Variants in PLAG1 observed in about 807,000 individuals in gnomAD.
The protein encoded by PLAG1 is zinc finger protein PLAG1.
A neutral mutation model predicts 35.5 loss-of-function variants in PLAG1; 7 were observed. That is an observed-to-expected ratio of 0.20 (90% CI 0.11 to 0.37). The LOEUF (loss-of-function observed/expected upper bound fraction) is 0.37, where lower values mean the gene tolerates loss of function less well. Among genes scored for constraint, PLAG1 ranks in the 10% least tolerant of loss-of-function variants. The probability of loss-of-function intolerance (pLI) is 1.00; values close to 1 mark genes in which losing one functional copy is unlikely to be tolerated. For synonymous variants in PLAG1, 229 were observed against 225.4 expected (o/e 1.02, Z -0.14); for missense variants, 454 against 602.8 (o/e 0.75, Z 2.58).
intron 1 of PLAG1, among the ~76,000 whole-genome samples, chr8:56,194,013 C>A (rs545032827): frequency 6.6e-6 from 1 of 152,010 alleles, no homozygotes; most frequent in Non-Finnish European, 1.5e-5. Flanking sequence ...CCACCACGCC[C>A]GGCCTTCATT....
chr8:56,186,859 G>T (rs1463660673), intron 1 of PLAG1, among the ~76,000 whole-genome samples: 1 of 152,050 alleles, frequency 6.6e-6, no homozygotes, highest in Non-Finnish European at 1.5e-5. Context: ...TGGGATTACA[G>T]GCATGCTCTA....
At chr8:56,178,071 T>G (rs1267815188) in intron 2 of PLAG1, 68 of 805,902 alleles carry the variant, frequency 8.4e-5, no homozygotes, top group Non-Finnish European at 9.7e-5. Context: ...CTTAAGCACA[T>G]GGAACTACAG....
intron 1 of PLAG1, among the ~76,000 whole-genome samples, chr8:56,187,599 A>C (rs888865834): frequency 1.3e-5 from 2 of 152,222 alleles, no homozygotes; most frequent in Non-Finnish European, 2.9e-5. Context: ...TGTTATATTC[A>C]GAGTGTTACT....
At chr8:56,178,710 C>G (rs1463168801) in intron 2 of PLAG1, among the ~76,000 whole-genome samples, 1 of 151,900 alleles carries the variant, frequency 6.6e-6, no homozygotes, top group Non-Finnish European at 1.5e-5. Flanking sequence ...TTTTTCCAGT[C>G]TCCCCGTCCT....
chr8:56,185,186 C>G (rs768738878), intron 1 of PLAG1, among the ~76,000 whole-genome samples: 1 of 152,078 alleles, frequency 6.6e-6, no homozygotes, highest in Non-Finnish European at 1.5e-5. Flanking sequence ...GGAAGCAGAT[C>G]AGAGGTTGTC....
At chr8:56,197,846 A>G (rs1812429860) in intron 1 of PLAG1, among the ~76,000 whole-genome samples, 1 of 152,114 alleles carries the variant, frequency 6.6e-6, no homozygotes, top group African/African-American at 2.4e-5. Context: ...GTCTGTCTGT[A>G]CTTGTTGCGC....
At position 56,163,646 on chromosome 8, in the gene PLAG1, G is replaced by C. The variant is rs1389178775; in HGVS notation, c.*2597C>G. Reference sequence around the variant, plus strand: ...TCCATGTATTTGAATTTCATGCAGGGCAAGATTTAAGTATGTGTGTGTGTG... The same window carrying C: ...TCCATGTATTTGAATTTCATGCAGGCCAAGATTTAAGTATGTGTGTGTGTG... On this transcript the variant is annotated 3_prime_UTR_variant, in exon 5 of 5. Transcript: ENST00000316981. 5.2e-6 allele frequency: 1 copy of C among 193,716 alleles called. No homozygotes were observed. Among genetic ancestry groups the C allele is most frequent in the Non-Finnish European group, 1.1e-5 (1 of 92,896 alleles). 12.0% of individuals were successfully genotyped at this position (193,716 alleles called of 1,614,324 possible).
chr8:56,174,667 T>C (rs1811635602), intron 2 of PLAG1, among the ~76,000 whole-genome samples: 1 of 152,192 alleles, frequency 6.6e-6, no homozygotes, highest in African/African-American at 2.4e-5. Context: ...GCTTGCTTAG[T>C]CATCATAATA....
In PLAG1 at chr8:56,162,429, T is replaced by C. The variant is rs1198199939; in HGVS notation, c.*3814A>G. On this transcript the variant is annotated 3_prime_UTR_variant, in exon 5 of 5. Coordinates refer to ENST00000316981, the MANE Select transcript of PLAG1 (RefSeq NM_002655.3). Reference sequence around the variant, plus strand: ...CACTGATTCTGTGCAATATAGCAAATTGATAAGAAAACACTGTAAAAATGT... The same window carrying C: ...CACTGATTCTGTGCAATATAGCAAACTGATAAGAAAACACTGTAAAAATGT... 3 of 221,034 alleles carry C rather than the reference T, an allele frequency of 1.4e-5. No homozygotes were observed. Among genetic ancestry groups the C allele is most frequent in the African/African-American group, 6.7e-5 (3 of 44,594 alleles). The allele number at this position is 221,034 out of a possible 1,614,324, so 13.7% of individuals were successfully genotyped here.
rs1170953543 is a variant in PLAG1 at position 56,167,161 on chromosome 8, G to A, written c.585C>T (p.Tyr195=). The A allele has an allele frequency of 3.1e-6, 5 of 1,613,846 alleles. No individual in the cohort carries two copies. The highest frequency in any genetic ancestry group is 4.2e-6 in the Non-Finnish European group (5 of 1,179,994). ...TGTGTCTCCGGACATCCTTTCGGGTGTAGAACCGGCGATCACAATGTTCGC... is the reference window on the plus strand; with the variant it reads ...TGTGTCTCCGGACATCCTTTCGGGTATAGAACCGGCGATCACAATGTTCGC... ...HQCEHCDRRF[Y]TRKDVRRHMV... The change falls in exon 5 of 5, where the codon TAC becomes TAT. Residue 195 remains tyrosine, a synonymous_variant. Transcript: ENST00000316981. This position sits in a 1 kb window ranked among gnomAD's most constrained non-coding sequence, Gnocchi z 5.9.
At chr8:56,190,829 G>A (rs971708284) in intron 1 of PLAG1, among the ~76,000 whole-genome samples, 2 of 152,110 alleles carry the variant, frequency 1.3e-5, no homozygotes, top group African/African-American at 2.4e-5. Context: ...GGCACAGGGG[G>A]AGGACACAGT....
At chr8:56,199,993 C>A (rs551426028) in intron 1 of PLAG1, among the ~76,000 whole-genome samples, 34 of 152,280 alleles carry the variant, frequency 2.2e-4, no homozygotes, top group African/African-American at 6.5e-4. Context: ...CGGAATAAAA[C>A]CCCTTCTGTG....
chr8:56,191,633 T>A lies in PLAG1; in HGVS notation c.-321-12120A>T, dbSNP rs942864540. ...GTGCCAATTTCAATCCTTTTTTTTT[T>A]AAAGGCAAATTGTTGGGTAATGTGA... On this transcript the variant is annotated intron_variant, in intron 1 of 4. Coordinates refer to ENST00000316981, the MANE Select transcript of PLAG1 (RefSeq NM_002655.3). Among the ~76,000 whole-genome samples the A allele has an allele frequency of 3.3e-5, 5 of 152,168 alleles. No homozygotes were observed. In the South Asian group the frequency reaches 8.3e-4, roughly 25 times the overall value.
intron 1 of PLAG1, among the ~76,000 whole-genome samples, chr8:56,206,916 T>C (rs1812717004): frequency 6.6e-6 from 1 of 151,972 alleles, no homozygotes; most frequent in African/African-American, 2.4e-5. Context: ...GTTTCCTCCT[T>C]TTGAAACTCT....
At chr8:56,205,551 T>TG (rs1316901194) in intron 1 of PLAG1, among the ~76,000 whole-genome samples, 1 of 151,914 alleles carries the variant, frequency 6.6e-6, no homozygotes, top group Non-Finnish European at 1.5e-5. Context: ...GCCTTGTAGT[T>TG]GGTTATTATT....
At chr8:56,183,307 A>C (rs1244353084) in intron 1 of PLAG1, among the ~76,000 whole-genome samples, 1 of 152,230 alleles carries the variant, frequency 6.6e-6, no homozygotes, top group Non-Finnish European at 1.5e-5. Flanking sequence ...ATTTAAGTAT[A>C]AAGATGTTCA....
chr8:56,165,461 C>T lies in PLAG1; in HGVS notation c.*782G>A. ...CGACTCTGAAGACCCCAATGCCATA[C>T]ACTATTACTATTATTAAATGAAAAG... On this transcript the variant is annotated 3_prime_UTR_variant, in exon 5 of 5. Coordinates refer to ENST00000316981, the MANE Select transcript of PLAG1 (RefSeq NM_002655.3). 1 of 215,042 alleles carries T rather than the reference C, an allele frequency of 4.7e-6. No homozygotes were observed. The highest frequency in any genetic ancestry group is 9.4e-6 in the Non-Finnish European group (1 of 106,494). 13.3% of individuals were successfully genotyped at this position (215,042 alleles called of 1,614,324 possible). A position where few individuals can be genotyped will look rare whatever the true frequency, so the allele number is the denominator to read the frequency against.
intron 1 of PLAG1, among the ~76,000 whole-genome samples, chr8:56,204,491 T>G (rs1392998227): frequency 1.3e-5 from 2 of 151,946 alleles, no homozygotes; most frequent in Non-Finnish European, 2.9e-5. Context: ...AAATTGATTA[T>G]GACACCTTCC....
intron 1 of PLAG1, among the ~76,000 whole-genome samples, chr8:56,204,890 C>T (rs570791497): frequency 1.3e-5 from 2 of 151,906 alleles, no homozygotes; most frequent in South Asian, 2.1e-4. Flanking sequence ...AGAAAAGATG[C>T]CCCCTCCTCT....
Sources: allele counts gnomAD v4.1 joint callset (sites outside exome capture counted in the v4.1 genomes callset), GRCh38; gene constraint gnomAD v4.1.1; non-coding constraint Gnocchi (gnomAD v3.1); transcripts MANE v1.5; gene names NCBI Gene and HGNC (gene_info 2026-07-23, HGNC 2026-07-21).